PTPRT: variants seen among roughly 807,000 people sequenced by gnomAD.
The protein encoded by PTPRT is protein tyrosine phosphatase receptor type T, also known as receptor-type tyrosine-protein phosphatase T.
In PTPRT, 56 loss-of-function variants were observed where a neutral mutation model predicts 176.8. The observed-to-expected ratio is 0.32, with a 90% CI of 0.26 to 0.40. The LOEUF (loss-of-function observed/expected upper bound fraction) is 0.40. PTPRT is among the 10% of genes least tolerant of loss of function. PTPRT has a pLI of 1.00. For synonymous variants in PTPRT, 783 were observed against 739.0 expected (o/e 1.06, Z -0.96); for missense variants, 1,540 against 1,908.2 (o/e 0.81, Z 3.60).
chr20:42,668,217 T>A (rs1341241050), intron 7 of PTPRT, among the ~76,000 whole-genome samples: 2 of 152,208 alleles, frequency 1.3e-5, no homozygotes, highest in Non-Finnish European at 2.9e-5. Context: ...CACTTCATCT[T>A]CTAGGAGGCC....
chr20:42,183,175 G>A (rs544999705), intron 16 of PTPRT, among the ~76,000 whole-genome samples: 3 of 151,960 alleles, frequency 2.0e-5, no homozygotes, highest in Non-Finnish European at 4.4e-5. Flanking sequence ...CCTAGTATTC[G>A]AGACCCCAGT....
At chr20:42,816,503 T>C (rs949162914) in intron 2 of PTPRT, among the ~76,000 whole-genome samples, 1 of 152,152 alleles carries the variant, frequency 6.6e-6, no homozygotes, top group African/African-American at 2.4e-5. Context: ...AATCCCTACA[T>C]GTAGAAGGAG....
chr20:42,962,751 T>A (rs1391335531), intron 1 of PTPRT, among the ~76,000 whole-genome samples: 1 of 152,120 alleles, frequency 6.6e-6, no homozygotes, highest in African/African-American at 2.4e-5. Context: ...ATTTACCTCC[T>A]CCCTCTGCCA....
chr20:42,221,584 C>T (rs371501307), intron 15 of PTPRT, among the ~76,000 whole-genome samples: 6 of 151,146 alleles, frequency 4.0e-5, no homozygotes, highest in Non-Finnish European at 5.9e-5. Flanking sequence ...TGTAGTGCAG[C>T]GGCATGATCT....
intron 1 of PTPRT, among the ~76,000 whole-genome samples, chr20:43,124,022 A>T (rs1182036681): frequency 6.6e-6 from 1 of 152,258 alleles, no homozygotes; most frequent in Non-Finnish European, 1.5e-5. Flanking sequence ...TTTTTAAAAG[A>T]GAAAATGAAG....
chr20:43,000,588 G>A (rs1483073903), intron 1 of PTPRT, among the ~76,000 whole-genome samples: 1 of 152,072 alleles, frequency 6.6e-6, no homozygotes, highest in Non-Finnish European at 1.5e-5. Context: ...GTTCACTGCA[G>A]AATGCAAAAT....
chr20:42,037,843 G>A, the PTPRT span, among the ~76,000 whole-genome samples: 59 of 152,274 alleles, frequency 3.9e-4, no homozygotes, highest in Non-Finnish European at 6.5e-4. Flanking sequence ...TGAGATGAGC[G>A]TTTATGGTTT....
intron 1 of PTPRT, among the ~76,000 whole-genome samples, chr20:42,984,565 T>C (rs1250008494): frequency 6.6e-6 from 1 of 152,202 alleles, no homozygotes; most frequent in Non-Finnish European, 1.5e-5. Context: ...CCCTACCCCA[T>C]GATGCTCAGC....
At chr20:42,326,845 T>C (rs1372083643) in intron 11 of PTPRT, among the ~76,000 whole-genome samples, 1 of 151,826 alleles carries the variant, frequency 6.6e-6, no homozygotes, top group Non-Finnish European at 1.5e-5. Flanking sequence ...TTGTATAAAA[T>C]ATGAGCCAGT....
At chr20:42,668,832 C>T (rs1322785312) in intron 7 of PTPRT, among the ~76,000 whole-genome samples, 1 of 149,410 alleles carries the variant, frequency 6.7e-6, no homozygotes, top group Non-Finnish European at 1.5e-5. Context: ...GCTGGGACTA[C>T]AGGCGCCCGC....
At chr20:43,021,658 G>A (rs1408258248) in intron 1 of PTPRT, among the ~76,000 whole-genome samples, 1 of 152,088 alleles carries the variant, frequency 6.6e-6, no homozygotes, top group African/African-American at 2.4e-5. Context: ...CCTAACAGAA[G>A]AGATACAGAC....
At chr20:42,571,411 C>A (rs2073150440) in intron 7 of PTPRT, among the ~76,000 whole-genome samples, 1 of 152,176 alleles carries the variant, frequency 6.6e-6, no homozygotes, top group Admixed American at 6.5e-5. Flanking sequence ...ATGGATTCGC[C>A]TCTAGATACT....
At position 42,246,143 on chromosome 20, in the gene PTPRT, T is replaced by C. The variant is rs557268285; in HGVS notation, c.2312+2544A>G. On this transcript the variant is annotated intron_variant, in intron 14 of 30. Transcript: ENST00000373187. ...GCAGACTCAATTGATCAGTGTAGTA[T>C]ATATTGATATATATATGCAGCTGGG... Among the ~76,000 whole-genome samples the C allele has an allele frequency of 5.3e-5, 8 of 152,212 alleles. No individual in the cohort carries two copies. The South Asian group carries it at 1.7e-3, about 32-fold the overall frequency.
At position 42,736,474 on chromosome 20, in the gene PTPRT, A is replaced by G. The variant is rs542460147; in HGVS notation, c.859+19988T>C. On this transcript the variant is annotated intron_variant, in intron 6 of 30. Coordinates refer to ENST00000373187, the MANE Select transcript of PTPRT (RefSeq NM_007050.6). ...AACAAATGTCCACTGAGGGCCCACA[A>G]TGTGCCAAGCACCAGGGACACAGGC... Among the ~76,000 whole-genome samples the G allele has an allele frequency of 7.9e-5, 12 of 152,336 alleles. No homozygotes were observed. The South Asian group carries it at 2.3e-3, about 29-fold the overall frequency.
chr20:42,270,283 G>C, intron 13 of PTPRT: 7 of 862,798 alleles, frequency 8.1e-6, no homozygotes, highest in Non-Finnish European at 1.3e-5. Context: ...TGGGGGGGTG[G>C]GTGGGTGGGT....
chr20:42,163,938 GA>G (rs1354159975), intron 16 of PTPRT, among the ~76,000 whole-genome samples: 1 of 152,210 alleles, frequency 6.6e-6, no homozygotes, highest in Non-Finnish European at 1.5e-5. Flanking sequence ...TCCTTCCAGC[GA>G]ATATCACTCC....
chr20:42,291,281 G>A (rs912860606), intron 12 of PTPRT, among the ~76,000 whole-genome samples: 2 of 152,088 alleles, frequency 1.3e-5, no homozygotes, highest in Non-Finnish European at 2.9e-5. Flanking sequence ...GCTAGGTACT[G>A]GAGCTACAAA....
At chr20:42,316,820 G>A (rs1024888339) in intron 11 of PTPRT, among the ~76,000 whole-genome samples, 6 of 152,150 alleles carry the variant, frequency 3.9e-5, no homozygotes, top group Admixed American at 3.3e-4. Context: ...TCCAAAGGCT[G>A]AGCATGTCTT....
chr20:42,226,572 A>G (rs2056016507), intron 15 of PTPRT, among the ~76,000 whole-genome samples: 1 of 152,194 alleles, frequency 6.6e-6, no homozygotes, highest in Non-Finnish European at 1.5e-5. Context: ...TAAAAGCACT[A>G]TTTTGAAACA....
Sources: allele counts gnomAD v4.1 joint callset (sites outside exome capture counted in the v4.1 genomes callset), GRCh38; gene constraint gnomAD v4.1.1; transcripts MANE v1.5; gene names NCBI Gene and HGNC (gene_info 2026-07-23, HGNC 2026-07-21).